DCC: variants seen among roughly 807,000 people sequenced by gnomAD.
DCC encodes the protein DCC netrin 1 receptor.
In DCC, 58 loss-of-function variants were observed where a neutral mutation model predicts 172.5. The ratio of observed to expected loss-of-function variants is 0.34; its 90% CI spans 0.27 to 0.42. The LOEUF is 0.42. Among genes scored for constraint, DCC ranks in the 10% least tolerant of loss-of-function variants. The pLI is 1.00. For missense variants in DCC, 1,740 were observed against 1,791.0 expected, an observed-to-expected ratio of 0.97 and a Z score of 0.51; for synonymous variants, 709 against 644.5, an observed-to-expected ratio of 1.10 and a Z score of -1.52.
chr18:53,087,999 A>G (rs1300103779), intron 7 of DCC, among the ~76,000 whole-genome samples: 1 of 152,108 alleles, frequency 6.6e-6, no homozygotes, highest in Non-Finnish European at 1.5e-5. Context: ...TGTTTTGGTT[A>G]CTGTAGCCTT....
chr18:53,277,720 GA>G (rs2056822348), intron 12 of DCC, among the ~76,000 whole-genome samples: 1 of 152,104 alleles, frequency 6.6e-6, no homozygotes, highest in South Asian at 2.1e-4. Context: ...TCGCTGTACA[GA>G]AAAGCTCAGC....
intron 2 of DCC, among the ~76,000 whole-genome samples, chr18:52,845,165 A>T (rs1350209745): frequency 1.3e-5 from 2 of 152,212 alleles, no homozygotes; most frequent in African/African-American, 2.4e-5. Context: ...AGCAGCCCTT[A>T]GGAGAGATCT....
chr18:53,087,921 G>A (rs961450162), intron 7 of DCC, among the ~76,000 whole-genome samples: 184 of 151,740 alleles, frequency 1.2e-3, no homozygotes, highest in Non-Finnish European at 2.1e-3. Context: ...GTAGATATGC[G>A]ACGTTATTTC....
chr18:52,405,056 C>T (rs904168127), intron 1 of DCC, among the ~76,000 whole-genome samples: 1 of 151,704 alleles, frequency 6.6e-6, no homozygotes, highest in Non-Finnish European at 1.5e-5. Flanking sequence ...TTAATCCAGT[C>T]TATCATTGTT....
intron 1 of DCC, among the ~76,000 whole-genome samples, chr18:52,487,810 C>CAAAAAAAAAAAAAAAA (rs5824940): frequency 8.1e-5 from 6 of 74,400 alleles, no homozygotes; most frequent in Admixed American, 6.5e-4. Flanking sequence ...GACTCCACCT[C>CAAAAAAAAAAAAAAAA]AAAAAAAAAA....
chr18:52,871,949 T>G (rs998813060), intron 2 of DCC, among the ~76,000 whole-genome samples: 2 of 152,144 alleles, frequency 1.3e-5, no homozygotes, highest in Admixed American at 1.3e-4. Context: ...GTATGTCAAG[T>G]CCTGGGTTAC....
At chr18:52,676,397 G>A (rs2035647028) in intron 1 of DCC, among the ~76,000 whole-genome samples, 1 of 152,094 alleles carries the variant, frequency 6.6e-6, no homozygotes, top group Admixed American at 6.5e-5. Context: ...GACAGTAATA[G>A]CAAATCAGAC....
At chr18:53,389,409 G>A (rs951643081) in intron 16 of DCC, among the ~76,000 whole-genome samples, 1 of 152,184 alleles carries the variant, frequency 6.6e-6, no homozygotes, top group African/African-American at 2.4e-5. Context: ...TGCTGTGCAC[G>A]ATAACGCTCT....
chr18:52,879,614 T>C (rs1310403920), intron 2 of DCC, among the ~76,000 whole-genome samples: 1 of 151,800 alleles, frequency 6.6e-6, no homozygotes, highest in East Asian at 1.9e-4. Context: ...TTACTTTTAG[T>C]AGAGACGGGA....
intron 1 of DCC, among the ~76,000 whole-genome samples, chr18:52,610,413 AG>A (rs1226394402): frequency 4.3e-5 from 6 of 141,014 alleles, no homozygotes; most frequent in East Asian, 2.0e-4. Flanking sequence ...AAAAAGAAAA[AG>A]AAAAAGAAAA....
rs1199000556 is a variant in DCC at position 52,932,831 on chromosome 18, A to ATTTCTAATTTTAT, written c.985+7462_985+7463insTTCTAATTTTATT. On this transcript the variant is annotated intron_variant, in intron 5 of 28. Coordinates refer to ENST00000442544, the MANE Select transcript of DCC (RefSeq NM_005215.4). ...TAGTATATACATATATATGCAATAC[A>ATTTCTAATTTTAT]TGCACTTACTCTCTATTTCTAAAGT... 2.0e-3 allele frequency among the ~76,000 whole-genome samples: 309 copies of ATTTCTAATTTTAT among 152,224 alleles called. 1 individual carries two copies. Among genetic ancestry groups the ATTTCTAATTTTAT allele is most frequent in the Non-Finnish European group, 3.4e-3 (229 of 67,992 alleles).
chr18:52,372,783 T>C (rs533846275), intron 1 of DCC, among the ~76,000 whole-genome samples: 2 of 152,284 alleles, frequency 1.3e-5, no homozygotes, highest in African/African-American at 4.8e-5. Flanking sequence ...AGAAGCAATG[T>C]GGCAGCTGCA....
At chr18:52,975,520 C>A (rs2145594195) in intron 5 of DCC, among the ~76,000 whole-genome samples, 1 of 152,282 alleles carries the variant, frequency 6.6e-6, no homozygotes, top group Middle Eastern at 3.4e-3. Context: ...CCACCTTCCA[C>A]CCTCTGATAG....
At chr18:52,843,244 G>T (rs985071599) in intron 2 of DCC, among the ~76,000 whole-genome samples, 4 of 152,112 alleles carry the variant, frequency 2.6e-5, no homozygotes, top group Admixed American at 2.0e-4. Context: ...ACAAGATTTT[G>T]CTAATTACTA....
intron 2 of DCC, among the ~76,000 whole-genome samples, chr18:52,875,665 T>C (rs909785418): frequency 6.6e-6 from 1 of 152,236 alleles, no homozygotes; most frequent in Non-Finnish European, 1.5e-5. Context: ...ATAACAATGC[T>C]ATGATGCTCA....
intron 15 of DCC, among the ~76,000 whole-genome samples, chr18:53,351,302 TA>T (rs1210756089): frequency 6.8e-5 from 2 of 29,572 alleles, no homozygotes; most frequent in African/African-American, 1.3e-4. Flanking sequence ...TATATATATA[TA>T]TATATATATA....
chr18:53,509,580 T>G (rs1310232196), intron 27 of DCC, among the ~76,000 whole-genome samples: 1 of 152,234 alleles, frequency 6.6e-6, no homozygotes, highest in African/African-American at 2.4e-5. Context: ...TGGATGCTCT[T>G]AACCTGGGGT....
At chr18:52,613,080 T>C (rs987331143) in intron 1 of DCC, among the ~76,000 whole-genome samples, 1 of 152,224 alleles carries the variant, frequency 6.6e-6, no homozygotes, top group African/African-American at 2.4e-5. Flanking sequence ...CTGGCTGCCA[T>C]ATCTCTAGGC....
At chr18:53,032,701 G>C (rs757347114) in intron 5 of DCC, among the ~76,000 whole-genome samples, 1 of 152,124 alleles carries the variant, frequency 6.6e-6, no homozygotes, top group Admixed American at 6.6e-5. Context: ...GAGATGAAGA[G>C]CTAGTATACT....
Sources: allele counts gnomAD v4.1 joint callset (sites outside exome capture counted in the v4.1 genomes callset), GRCh38; gene constraint gnomAD v4.1.1; transcripts MANE v1.5; gene names NCBI Gene and HGNC (gene_info 2026-07-23, HGNC 2026-07-21).